Variants in RFX2 observed in about 807,000 individuals in gnomAD.
RFX2 encodes regulatory factor X2, also known as DNA-binding protein RFX2.
In RFX2, 20 loss-of-function variants were observed where a neutral mutation model predicts 87.8. The observed-to-expected ratio is 0.23, with a 90% CI of 0.16 to 0.33. RFX2 has a LOEUF of 0.33. RFX2 is among the 10% of genes least tolerant of loss of function. RFX2 has a pLI of 1.00. For synonymous variants in RFX2, 397 were observed against 431.3 expected (o/e 0.92, Z 0.98); for missense variants, 767 against 1,012.3 (o/e 0.76, Z 3.29).
At position 6,026,506 on chromosome 19, in the gene RFX2, G is replaced by C; in HGVS notation, c.523-269C>G. The C allele has an allele frequency of 1.9e-6, 1 of 533,936 alleles. No homozygotes were observed. The highest frequency in any genetic ancestry group is 3.4e-6 in the Non-Finnish European group (1 of 297,918). 33.1% of individuals were successfully genotyped at this position (533,936 alleles called of 1,614,324 possible). On this transcript the variant is annotated intron_variant, in intron 5 of 17. Transcript: ENST00000303657. This position sits in a 1 kb window ranked among gnomAD's most constrained non-coding sequence, Gnocchi z 4.5. Reference sequence around the variant, plus strand: ...AGCAGAAATCATGTTGTAAAAACTTGCTACTGAACTTTAACCTGGCATATG... The same window carrying C: ...AGCAGAAATCATGTTGTAAAAACTTCCTACTGAACTTTAACCTGGCATATG...
At position 6,007,924 on chromosome 19, in the gene RFX2, C is replaced by T. The variant is rs1187530844; in HGVS notation, c.1135-122G>A. On this transcript the variant is annotated intron_variant, in intron 10 of 17. Transcript: ENST00000303657. The surrounding 1 kb of genome is among the most constrained non-coding windows in gnomAD (Gnocchi z 8.2). ...GGGTGCCCTGGAATCCCAAGGGAGG[C>T]CACAGAGAGGAGAGGAGCAGGCGAT... 3.7e-6 allele frequency: 3 copies of T among 817,662 alleles called. No homozygotes were observed. The highest frequency in any genetic ancestry group is 6.1e-6 in the Non-Finnish European group (3 of 488,356). 50.7% of individuals were successfully genotyped at this position (817,662 alleles called of 1,614,324 possible). A position where few individuals can be genotyped will look rare whatever the true frequency, so the allele number is the denominator to read the frequency against.
In RFX2 at chr19:6,010,345, T is replaced by C. The variant is rs1222045009; in HGVS notation, c.900-94A>G. On this transcript the variant is annotated intron_variant, in intron 8 of 17. Transcript: ENST00000303657. This position sits in a 1 kb window ranked among gnomAD's most constrained non-coding sequence, Gnocchi z 5.0. ...GGGCTGGGCAGGATTCAGTCAGGCA[T>C]GTGTGTGTGATGTTTACAAGTTGCG... is the stretch of plus-strand genomic sequence containing the variant. The C allele has an allele frequency of 1.3e-6, 1 of 782,348 alleles. No homozygotes were observed. The highest frequency in any genetic ancestry group is 1.7e-5 in the African/African-American group (1 of 58,600). 48.5% of individuals were successfully genotyped at this position (782,348 alleles called of 1,614,324 possible). A position where few individuals can be genotyped will look rare whatever the true frequency, so the allele number is the denominator to read the frequency against.
At chr19:6,106,267 C>CCATCCATG (rs1330924362) in intron 1 of RFX2, among the ~76,000 whole-genome samples, 2 of 151,888 alleles carry the variant, frequency 1.3e-5, no homozygotes, top group African/African-American at 4.9e-5. Flanking sequence ...ATCCATCCAT[C>CCATCCATG]CAACAAAATA....
chr19:6,087,741 C>T (rs1426694181), intron 1 of RFX2, among the ~76,000 whole-genome samples: 1 of 152,132 alleles, frequency 6.6e-6, no homozygotes, highest in Non-Finnish European at 1.5e-5. Context: ...GAGGTTTCAG[C>T]TCCAAATCAA....
chr19:6,089,295 T>G (rs1026110571), intron 1 of RFX2, among the ~76,000 whole-genome samples: 18 of 152,136 alleles, frequency 1.2e-4, no homozygotes, highest in African/African-American at 4.3e-4. Flanking sequence ...AGACCAACAC[T>G]CCTGTCCTGT....
intron 5 of RFX2, among the ~76,000 whole-genome samples, chr19:6,036,863 A>G (rs1385299032): frequency 6.6e-6 from 1 of 152,242 alleles, no homozygotes; most frequent in Non-Finnish European, 1.5e-5. Context: ...CCCCTGTTCA[A>G]CATTTCACTG....
intron 1 of RFX2, among the ~76,000 whole-genome samples, chr19:6,099,423 A>G (rs2144901777): frequency 6.6e-6 from 1 of 152,332 alleles, no homozygotes; most frequent in South Asian, 2.1e-4. Flanking sequence ...TGGTAAAGGA[A>G]AAGTACATAT....
chr19:6,040,268 G>A lies in RFX2; in HGVS notation c.261-27C>T, dbSNP rs1192459513. On this transcript the variant is annotated intron_variant, in intron 4 of 17. Coordinates refer to ENST00000303657, the MANE Select transcript of RFX2 (RefSeq NM_000635.4). The surrounding 1 kb of genome is among the most constrained non-coding windows in gnomAD (Gnocchi z 6.1). ...TGTTAGAAAGAGAGAAGTCACGCAT[G>A]GGACGCTGTCCCATTTAAATGCCTT... is the stretch of plus-strand genomic sequence containing the variant. 3.3e-6 allele frequency: 5 copies of A among 1,514,354 alleles called. No homozygotes were observed. The highest frequency in any genetic ancestry group is 2.3e-5 in the East Asian group (1 of 43,532). The allele number at this position is 1,514,354 out of a possible 1,614,324, so 93.8% of individuals were successfully genotyped here. A position where few individuals can be genotyped will look rare whatever the true frequency, so the allele number is the denominator to read the frequency against.
chr19:6,008,292 C>T (rs766479095), intron 9 of RFX2, 68 bp from the exon 10 acceptor site: 1 of 931,734 alleles, frequency 1.1e-6, no homozygotes, highest in Non-Finnish European at 1.6e-6. Flanking sequence ...ACTGGAAGGC[C>T]ACGGTGGATG....
At chr19:6,067,149 A>C (rs1276788036) in intron 1 of RFX2, among the ~76,000 whole-genome samples, 1 of 152,184 alleles carries the variant, frequency 6.6e-6, no homozygotes, top group African/African-American at 2.4e-5. Flanking sequence ...CCTTTTCTCC[A>C]AGAGGAAAGA....
At position 6,021,678 on chromosome 19, in the gene RFX2, C is replaced by T. The variant is rs1207786710; in HGVS notation, c.597+4485G>A. On this transcript the variant is annotated intron_variant, in intron 6 of 17. Coordinates refer to ENST00000303657, the MANE Select transcript of RFX2 (RefSeq NM_000635.4). This position sits in a 1 kb window ranked among gnomAD's most constrained non-coding sequence, Gnocchi z 5.7. Reference sequence around the variant, plus strand: ...GCATTGGAGGAATAGCGAGGAGGCCCGTGTGGCTGGAGCACAGTGAGGAGT... The same window carrying T: ...GCATTGGAGGAATAGCGAGGAGGCCTGTGTGGCTGGAGCACAGTGAGGAGT... Among the ~76,000 whole-genome samples, 1 of 152,214 alleles carries T rather than the reference C, an allele frequency of 6.6e-6. No individual in the cohort carries two copies. Among genetic ancestry groups the T allele is most frequent in the East Asian group, 1.9e-4 (1 of 5,194 alleles).
rs992449778 is a variant in RFX2, at chr19:6,023,446, C to G, written c.597+2717G>C. Reference sequence around the variant, plus strand: ...CAGCAGATCACGTGCTTTAACTCCTCTCTTCCTCTCTGGCTCTCACATTTG... The same window carrying G: ...CAGCAGATCACGTGCTTTAACTCCTGTCTTCCTCTCTGGCTCTCACATTTG... On this transcript the variant is annotated intron_variant, in intron 6 of 17. Coordinates refer to ENST00000303657, the MANE Select transcript of RFX2 (RefSeq NM_000635.4). This position sits in a 1 kb window ranked among gnomAD's most constrained non-coding sequence, Gnocchi z 4.9. Among the ~76,000 whole-genome samples the G allele has an allele frequency of 1.3e-5, 2 of 152,252 alleles. No homozygotes were observed. The highest frequency in any genetic ancestry group is 4.8e-5 in the African/African-American group (2 of 41,464).
intron 1 of RFX2, among the ~76,000 whole-genome samples, chr19:6,069,986 T>G (rs2087571908): frequency 3.1e-5 from 3 of 96,928 alleles, no homozygotes; most frequent in Non-Finnish European, 6.2e-5. Flanking sequence ...TGTTCTTTCA[T>G]GGATGGGATG....
intron 6 of RFX2, among the ~76,000 whole-genome samples, chr19:6,018,809 T>A (rs2144716805): frequency 6.6e-6 from 1 of 152,312 alleles, no homozygotes; most frequent in African/African-American, 2.4e-5. Flanking sequence ...TCAGACCTCC[T>A]GACCACAAGC....
chr19:6,099,225 A>G (rs2088077416), intron 1 of RFX2, among the ~76,000 whole-genome samples: 2 of 152,306 alleles, frequency 1.3e-5, no homozygotes, highest in South Asian at 4.1e-4. Flanking sequence ...TGGGACATAG[A>G]ATTCGGGATT....
intron 1 of RFX2, chr19:6,077,060 C>A (rs1372490854): frequency 6.6e-6 from 1 of 152,234 alleles, no homozygotes; most frequent in Admixed American, 6.5e-5. Context: ...ACACAGAACT[C>A]CTCCTACCAC....
rs2086603889 is a variant in RFX2 at position 6,007,832 on chromosome 19, G to T, written c.1135-30C>A. On this transcript the variant is annotated intron_variant, in intron 10 of 17. Coordinates refer to ENST00000303657, the MANE Select transcript of RFX2 (RefSeq NM_000635.4). This position sits in a 1 kb window ranked among gnomAD's most constrained non-coding sequence, Gnocchi z 8.2. Reference sequence around the variant, plus strand: ...GAATGAAGGGACCGGTGAGACAGACGGGTGCGTGCGCCCATCACGTGCACT... The same window carrying T: ...GAATGAAGGGACCGGTGAGACAGACTGGTGCGTGCGCCCATCACGTGCACT... 1.4e-6 allele frequency: 2 copies of T among 1,413,064 alleles called. No homozygotes were observed. The highest frequency in any genetic ancestry group is 2.0e-6 in the Non-Finnish European group (2 of 1,020,566). 87.5% of individuals were successfully genotyped at this position (1,413,064 alleles called of 1,614,324 possible). A position where few individuals can be genotyped will look rare whatever the true frequency, so the allele number is the denominator to read the frequency against.
At position 6,016,007 on chromosome 19, in the gene RFX2, G is replaced by A; in HGVS notation, c.779+83C>T. The A allele has an allele frequency of 2.9e-6, 4 of 1,358,190 alleles. No individual in the cohort carries two copies. The highest frequency in any genetic ancestry group is 4.6e-5 in the Admixed American group (2 of 43,114). The allele number at this position is 1,358,190 out of a possible 1,614,324, so 84.1% of individuals were successfully genotyped here. On this transcript the variant is annotated intron_variant, in intron 7 of 17. Coordinates refer to ENST00000303657, the MANE Select transcript of RFX2 (RefSeq NM_000635.4). The surrounding 1 kb of genome is among the most constrained non-coding windows in gnomAD (Gnocchi z 5.4). ...GCGAATCAGGCCACCTGGAAAGGAGGAGGAAGCCTCGCATTTTCCCAAAAG... is the reference window on the plus strand; with the variant it reads ...GCGAATCAGGCCACCTGGAAAGGAGAAGGAAGCCTCGCATTTTCCCAAAAG...
intron 1 of RFX2, among the ~76,000 whole-genome samples, chr19:6,087,245 G>A (rs1030223812): frequency 2.6e-5 from 4 of 152,090 alleles, no homozygotes; most frequent in South Asian, 2.1e-4. Context: ...ACGCACACCC[G>A]TCTCCAGCAG....
Sources: allele counts gnomAD v4.1 joint callset (sites outside exome capture counted in the v4.1 genomes callset), GRCh38; gene constraint gnomAD v4.1.1; non-coding constraint Gnocchi (gnomAD v3.1); transcripts MANE v1.5; gene names NCBI Gene and HGNC (gene_info 2026-07-23, HGNC 2026-07-21).